The following PITPNM3 variants were observed in gnomAD, a reference collection of about 807,000 sequenced individuals.
PITPNM3 encodes the protein PITPNM family member 3.
Under a neutral mutation model 102.0 loss-of-function variants are expected in PITPNM3, and 26 were observed. The observed-to-expected ratio is 0.25, with a 90% CI of 0.19 to 0.35. The LOEUF (loss-of-function observed/expected upper bound fraction) is 0.35, where lower values mean the gene tolerates loss of function less well. PITPNM3 is among the 10% of genes least tolerant of loss of function. The pLI is 1.00. For missense variants in PITPNM3, 1,083 were observed against 1,346.1 expected, an observed-to-expected ratio of 0.80 and a Z score of 3.06; for synonymous variants, 578 against 558.6, an observed-to-expected ratio of 1.03 and a Z score of -0.49.
intron 1 of PITPNM3, among the ~76,000 whole-genome samples, chr17:6,542,428 G>C (rs569624429): frequency 2.6e-5 from 4 of 152,198 alleles, no homozygotes; most frequent in African/African-American, 9.6e-5. Context: ...ATGCATGCAT[G>C]CACACTCCCA....
chr17:6,455,497 G>A lies in PITPNM3; in HGVS notation c.2766C>T (p.His922=). The stretch of plus-strand genomic sequence containing the variant: ...GCTGCACTGACATGGTTCTGCGCAG[G>A]TGGTTGCGCTTCCGCAGGAACTCTG... ...AQPEFLRKRN[H]LRRTMSVQQP... Residue 922 remains histidine (H), a synonymous_variant, in exon 20 of 20, where the codon CAC becomes CAT. Coordinates refer to ENST00000262483, the MANE Select transcript of PITPNM3 (RefSeq NM_031220.4). 6.2e-7 allele frequency: 1 copy of A among 1,606,128 alleles called. No individual in the cohort carries two copies. The highest frequency in any genetic ancestry group is 8.5e-7 in the Non-Finnish European group (1 of 1,179,620).
chr17:6,503,740 G>A (rs533036143), intron 3 of PITPNM3, among the ~76,000 whole-genome samples, 166 bp from the exon 4 acceptor site: 1 of 152,240 alleles, frequency 6.6e-6, no homozygotes, highest in East Asian at 1.9e-4. Flanking sequence ...ACCTGACCTA[G>A]CCCTTGGCCC....
chr17:6,477,526 T>C (rs1054316851), intron 8 of PITPNM3, among the ~76,000 whole-genome samples: 4 of 152,182 alleles, frequency 2.6e-5, no homozygotes, highest in African/African-American at 9.7e-5. Context: ...AGAATTATGA[T>C]ACACTTCTTC....
chr17:6,551,964 C>T (rs1910331982), intron 1 of PITPNM3, among the ~76,000 whole-genome samples: 1 of 152,174 alleles, frequency 6.6e-6, no homozygotes, highest in Non-Finnish European at 1.5e-5. Context: ...TCTGCCGTCA[C>T]CTTCTTCTGT....
Position 6,525,480 on chromosome 17 carries a change from C to T in PITPNM3, c.119-17G>A, listed in dbSNP as rs778154152. ...CCATCTCCTCTGTGGGAAGAAGCAG[C>T]GGTGAGCAGAAGCAGGTGCAGCTAG... On this transcript the variant is annotated splice_polypyrimidine_tract_variant and intron_variant, in intron 2 of 19. Transcript: ENST00000262483. The T allele has an allele frequency of 4.6e-5, 74 of 1,599,506 alleles. No homozygotes were observed. The highest frequency in any genetic ancestry group is 6.7e-5 in the East Asian group (3 of 44,812).
chr17:6,497,051 T>C (rs1906874944), intron 4 of PITPNM3, among the ~76,000 whole-genome samples: 1 of 151,974 alleles, frequency 6.6e-6, no homozygotes, highest in Admixed American at 6.6e-5. Flanking sequence ...AGAAAAGTGC[T>C]CCCAAGGCGG....
In PITPNM3 at chr17:6,483,923, T is replaced by C. The variant is rs75513905; in HGVS notation, c.352-171A>G. ...TGTCCAGCCTGTCTCAGCTGCAATCTGAGGAGCAGTCTCAGCTCTAATACA... is the reference window on the plus strand; with the variant it reads ...TGTCCAGCCTGTCTCAGCTGCAATCCGAGGAGCAGTCTCAGCTCTAATACA... On this transcript the variant is annotated intron_variant, in intron 5 of 19. Transcript: ENST00000262483. Among the ~76,000 whole-genome samples, 984 of 152,234 alleles carry C rather than the reference T, an allele frequency of 6.5e-3. 19 individuals carry two copies. Among genetic ancestry groups the C allele is most frequent in the African/African-American group, 0.022 (930 of 41,528 alleles).
chr17:6,514,486 A>G (rs79573198), intron 3 of PITPNM3, among the ~76,000 whole-genome samples: 15,303 of 152,250 alleles, frequency 0.1, 1,021 homozygotes, highest in East Asian at 0.27. Context: ...CAAACGATGA[A>G]TAAGCACACG....
At chr17:6,553,989 GTGT>G (rs1378391009) in intron 1 of PITPNM3, among the ~76,000 whole-genome samples, 1 of 152,138 alleles carries the variant, frequency 6.6e-6, no homozygotes, top group Non-Finnish European at 1.5e-5. Context: ...ACATTACTGT[GTGT>G]TGTTTTTGAT....
At chr17:6,502,053 C>T (rs1460240872) in intron 4 of PITPNM3, among the ~76,000 whole-genome samples, 1 of 152,242 alleles carries the variant, frequency 6.6e-6, no homozygotes, top group African/African-American at 2.4e-5. Flanking sequence ...GGCCTGATGC[C>T]CTTATGGCCT....
intron 14 of PITPNM3, among the ~76,000 whole-genome samples, chr17:6,465,739 T>TTC (rs1904734995): frequency 6.6e-6 from 1 of 152,168 alleles, no homozygotes; most frequent in African/African-American, 2.4e-5. Flanking sequence ...TTTCTTCATT[T>TTC]ATCAATGAAC....
chr17:6,549,844 G>A (rs959821584), intron 1 of PITPNM3, among the ~76,000 whole-genome samples: 2 of 151,980 alleles, frequency 1.3e-5, no homozygotes, highest in Non-Finnish European at 2.9e-5. Flanking sequence ...ACCCCCTTCC[G>A]GGCTCCTGGC....
chr17:6,536,406 CTGT>C (rs1909433025), intron 2 of PITPNM3, among the ~76,000 whole-genome samples: 1 of 152,338 alleles, frequency 6.6e-6, no homozygotes, highest in East Asian at 1.9e-4. Flanking sequence ...AATATTGAAG[CTGT>C]TGTTGTCTCA....
intron 3 of PITPNM3, among the ~76,000 whole-genome samples, chr17:6,522,196 T>C (rs975156152): frequency 6.6e-6 from 1 of 150,862 alleles, no homozygotes; most frequent in Non-Finnish European, 1.5e-5. Context: ...ACAAAAGACT[T>C]CCCCCAAAAA....
At chr17:6,522,538 C>G (rs952455604) in intron 3 of PITPNM3, among the ~76,000 whole-genome samples, 2 of 152,040 alleles carry the variant, frequency 1.3e-5, no homozygotes, top group African/African-American at 4.8e-5. Flanking sequence ...GAGTGTGGAG[C>G]CCAGAAGAAA....
intron 1 of PITPNM3, 112 bp from the exon 2 acceptor site, chr17:6,538,194 C>T: frequency 6.5e-6 from 5 of 772,220 alleles, no homozygotes; most frequent in South Asian, 4.4e-5. Context: ...CACATCTGTG[C>T]CCTCTCCCTC....
chr17:6,489,733 C>G (rs1906329301), intron 4 of PITPNM3, among the ~76,000 whole-genome samples: 1 of 152,154 alleles, frequency 6.6e-6, no homozygotes. Context: ...TTGCCGGGGA[C>G]CGTGGCTCAC....
intron 3 of PITPNM3, among the ~76,000 whole-genome samples, chr17:6,518,755 G>A (rs1022592349): frequency 6.6e-6 from 1 of 152,204 alleles, no homozygotes; most frequent in Non-Finnish European, 1.5e-5. Flanking sequence ...GAAAGAGAAA[G>A]ATGGAGGGAT....
intron 1 of PITPNM3, among the ~76,000 whole-genome samples, chr17:6,550,882 G>A (rs1383584655): frequency 6.6e-6 from 1 of 152,220 alleles, no homozygotes; most frequent in East Asian, 1.9e-4. Flanking sequence ...TGTTTGAGCT[G>A]CACCATCCTT....
Sources: gnomAD v4.1 joint callset for allele counts (sites outside exome capture counted in the v4.1 genomes callset) on GRCh38, gnomAD v4.1.1 for gene constraint, MANE v1.5 for transcripts, NCBI Gene and HGNC (gene_info 2026-07-23, HGNC 2026-07-21) for gene names.